Variants in TLE6 observed in about 807,000 individuals in gnomAD.
TLE6 encodes TLE family member 6, subcortical maternal complex member, also known as transducin-like enhancer protein 6.
In TLE6, 72 loss-of-function variants were observed where a neutral mutation model predicts 77.1. The ratio of observed to expected loss-of-function variants is 0.93; its 90% CI spans 0.77 to 1.14. TLE6 has a LOEUF of 1.14. TLE6 is among the 50% of genes most tolerant of loss of function. TLE6 has a pLI of 0.00. For synonymous variants in TLE6, 366 were observed against 287.3 expected (o/e 1.27, Z -2.77); for missense variants, 843 against 747.6 (o/e 1.13, Z -1.49).
At chr19:2,979,414 T>C (rs2088749795) in intron 2 of TLE6, among the ~76,000 whole-genome samples, 1 of 151,612 alleles carries the variant, frequency 6.6e-6, no homozygotes, top group Non-Finnish European at 1.5e-5. Context: ...GCCCGGCTAA[T>C]TTTTGTATTT....
At chr19:2,994,213 C>T (rs1249535176) in intron 16 of TLE6, 118 bp downstream of exon 16, 11 of 779,082 alleles carry the variant, frequency 1.4e-5, no homozygotes, top group South Asian at 5.4e-5. Context: ...TGGTGGCTCA[C>T]GGCTTTAATC....
rs45508491 is a variant in TLE6 at position 2,987,900 on chromosome 19, C to T, written c.628C>T (p.Pro210Ser). The T allele has an allele frequency of 2.0e-3, 3,265 of 1,609,748 alleles. 3 individuals carry two copies. The highest frequency in any genetic ancestry group is 2.5e-3 in the Non-Finnish European group (2,947 of 1,177,262). ...AGCCCCTCTTGTCTCCCCACTAGCC[C>T]CCAGGCCACCTGAGGCCTCCTCCAG... The part of the protein sequence containing the change: ...TDPCPEDAST[P>S]RPPEASSSPP... Residue 210 changes from proline to serine, a missense_variant and splice_region_variant, in exon 10 of 17, where the codon CCC (proline) becomes TCC (serine). Coordinates refer to ENST00000246112, the MANE Select transcript of TLE6 (RefSeq NM_001143986.2).
intron 14 of TLE6, among the ~76,000 whole-genome samples, chr19:2,993,065 G>A (rs978313939): frequency 3.6e-5 from 5 of 139,352 alleles, no homozygotes; most frequent in African/African-American, 1.4e-4. Flanking sequence ...AGAATAATTA[G>A]CCAGGCATGG....
Position 2,991,076 on chromosome 19 carries a change from T to G in TLE6, c.1245-767T>G, listed in dbSNP as rs1599168649. 2.7e-5 allele frequency among the ~76,000 whole-genome samples: 4 copies of G among 147,376 alleles called. No individual in the cohort carries two copies. In the South Asian group the frequency reaches 8.6e-4, roughly 32 times the overall value. ...TACACACACACATATTAAATATATG[T>G]AAATAGGCTGGGCATGGTGGCTCAT... On this transcript the variant is annotated intron_variant, in intron 13 of 16. Coordinates refer to ENST00000246112, the MANE Select transcript of TLE6 (RefSeq NM_001143986.2).
chr19:2,987,492 G>T, intron 8 of TLE6, 120 bp downstream of exon 8: 3 of 1,447,746 alleles, frequency 2.1e-6, no homozygotes, highest in Non-Finnish European at 1.9e-6. Context: ...CTGCCCCTCG[G>T]GTCCCCCGGG....
intron 2 of TLE6, among the ~76,000 whole-genome samples, chr19:2,979,706 C>T (rs1018921551): frequency 3.3e-5 from 5 of 149,864 alleles, no homozygotes; most frequent in African/African-American, 1.2e-4. Context: ...TTTAGGAGGC[C>T]GAGGCGGGTA....
chr19:2,989,445 G>C, intron 12 of TLE6, 90 bp from the exon 13 acceptor site: 1 of 1,568,286 alleles, frequency 6.4e-7, no homozygotes, highest in Non-Finnish European at 8.6e-7. Context: ...GGAACCTAAA[G>C]GATGAATAGG....
At chr19:2,978,337 T>C (rs2145008726) in intron 2 of TLE6, 53 bp downstream of exon 2, 2 of 1,539,264 alleles carry the variant, frequency 1.3e-6, no homozygotes, top group Non-Finnish European at 8.8e-7. Context: ...GGGCCCAATG[T>C]GGTTCTGCCC....
Position 2,987,336 on chromosome 19 carries a change from C to G in TLE6, c.542-20C>G, listed in dbSNP as rs770892943. On this transcript the variant is annotated intron_variant, in intron 7 of 16. Transcript: ENST00000246112. ...CTGTTCTCTCTGTCCCCCTCCTCCT[C>G]TCCGTTGTCATGGTGACAGAGCAGG... The G allele has an allele frequency of 1.9e-6, 3 of 1,614,048 alleles. No individual in the cohort carries two copies. The East Asian group carries it at 6.7e-5, about 36-fold the overall frequency.
chr19:2,979,346 A>T (rs574347920), intron 2 of TLE6, among the ~76,000 whole-genome samples: 1 of 151,668 alleles, frequency 6.6e-6, no homozygotes, highest in African/African-American at 2.4e-5. Context: ...TCCCAGGTTC[A>T]AGTGATTCTC....
chr19:2,979,980 A>AAAAAT, intron 2 of TLE6, 120 bp from the exon 3 acceptor site: 1 of 693,616 alleles, frequency 1.4e-6, no homozygotes, highest in Non-Finnish European at 2.3e-6. Context: ...AAAAAAAAAA[A>AAAAAT]GCAAAAACCA....
chr19:2,989,825 G>A, intron 13 of TLE6, 40 bp downstream of exon 13: 1 of 1,603,566 alleles, frequency 6.2e-7, no homozygotes, highest in Non-Finnish European at 8.5e-7. Flanking sequence ...TCCTGTGCCA[G>A]CCTCCTGTGG....
intron 4 of TLE6, 52 bp downstream of exon 4, chr19:2,981,635 T>G (rs2088799950): frequency 1.3e-6 from 2 of 1,540,208 alleles, no homozygotes; most frequent in Admixed American, 2.0e-5. Flanking sequence ...TGGGACAAGC[T>G]GAGGCCCTGG....
Position 2,987,908 on chromosome 19 carries a change from A to C in TLE6, c.636A>C (p.Pro212=). 1 of 1,609,428 alleles carries C rather than the reference A, an allele frequency of 6.2e-7. No individual in the cohort carries two copies. Among genetic ancestry groups the C allele is most frequent in the South Asian group, 1.1e-5 (1 of 90,658 alleles). The change falls in exon 10 of 17, where the codon CCA becomes CCC. Residue 212 remains proline, a synonymous_variant. Transcript: ENST00000246112. ...PCPEDASTPR[P]PEASSSPPEG... ...TTGTCTCCCCACTAGCCCCCAGGCC[A>C]CCTGAGGCCTCCTCCAGTCCCCCTG...
At chr19:2,978,073 C>T in intron 1 of TLE6, 125 bp from the exon 2 acceptor site, 2 of 672,612 alleles carry the variant, frequency 3.0e-6, no homozygotes, top group East Asian at 2.7e-5. Flanking sequence ...CATGGGAGAA[C>T]CGCAGGATTG....
At chr19:2,985,979 C>A (rs969325209) in intron 5 of TLE6, among the ~76,000 whole-genome samples, 3 of 134,104 alleles carry the variant, frequency 2.2e-5, no homozygotes, top group African/African-American at 8.4e-5. Context: ...GAGGCTGAGG[C>A]AGGAGAATTG....
intron 2 of TLE6, 84 bp from the exon 3 acceptor site, chr19:2,980,016 C>A: frequency 2.9e-6 from 3 of 1,031,802 alleles, no homozygotes; most frequent in South Asian, 1.4e-5. Flanking sequence ...CAACCTAATG[C>A]CTATGCCATG....
chr19:2,985,591 T>TA (rs1026985699), intron 5 of TLE6, among the ~76,000 whole-genome samples: 2 of 147,438 alleles, frequency 1.4e-5, no homozygotes, highest in Admixed American at 1.3e-4. Flanking sequence ...TTTTTTTTTT[T>TA]TGTATTTTTA....
At chr19:2,979,323 T>C (rs143743453) in intron 2 of TLE6, among the ~76,000 whole-genome samples, 5,702 of 151,676 alleles carry the variant, frequency 0.038, 384 homozygotes, top group African/African-American at 0.13. Context: ...CTCGGCTCAC[T>C]GCAACCTCCA....
Sources: gnomAD v4.1 joint callset for allele counts (sites outside exome capture counted in the v4.1 genomes callset) on GRCh38, gnomAD v4.1.1 for gene constraint, MANE v1.5 for transcripts, NCBI Gene and HGNC (gene_info 2026-07-23, HGNC 2026-07-21) for gene names.